DOCK7: variants seen among roughly 807,000 people sequenced by gnomAD.
DOCK7 encodes the protein dedicator of cytokinesis protein 7.
Under a neutral mutation model 271.0 loss-of-function variants are expected in DOCK7, and 138 were observed. That is an observed-to-expected ratio of 0.51 (90% CI 0.44 to 0.59). DOCK7 has a LOEUF of 0.59. Ranked by LOEUF, DOCK7 falls within the 20% of genes least tolerant of loss-of-function variation. DOCK7 has a pLI of 0.00. For missense variants in DOCK7, 2,066 were observed against 2,592.4 expected (o/e 0.80, Z 4.41); for synonymous variants, 823 against 876.1 (o/e 0.94, Z 1.07).
intron 27 of DOCK7, among the ~76,000 whole-genome samples, chr1:62,539,073 G>A (rs376835785): frequency 6.6e-6 from 1 of 152,294 alleles, no homozygotes; most frequent in African/African-American, 2.4e-5. Context: ...ATTTCGTAAA[G>A]TCAAGATAAT....
chr1:62,494,018 G>C (rs1014761044), intron 40 of DOCK7, among the ~76,000 whole-genome samples: 1 of 152,148 alleles, frequency 6.6e-6, no homozygotes, highest in African/African-American at 2.4e-5. Context: ...CGGATTACAA[G>C]GCAGTAAAGA....
chr1:62,680,206 C>T (rs1318210448), intron 1 of DOCK7, among the ~76,000 whole-genome samples: 3 of 152,140 alleles, frequency 2.0e-5, no homozygotes, highest in African/African-American at 7.2e-5. Flanking sequence ...ACCAATGGAA[C>T]AGAACAGAGC....
rs1426889742 is a variant in DOCK7, at chr1:62,597,902, G to A, written c.1683-11278C>T. 15 of 1,566,292 alleles carry A rather than the reference G, an allele frequency of 9.6e-6. No homozygotes were observed. The highest frequency in any genetic ancestry group is 4.5e-5 in the East Asian group (2 of 44,496). ...ATAAACTACAAGTCAAAAATGAAGA[G>A]GTAAAGAATATGTCACTTGAACTCA... is the stretch of plus-strand genomic sequence containing the variant. On this transcript the variant is annotated intron_variant, in intron 14 of 49. Coordinates refer to ENST00000635253, the MANE Select transcript of DOCK7 (RefSeq NM_001367561.1).
intron 48 of DOCK7, among the ~76,000 whole-genome samples, chr1:62,460,056 C>T (rs77064258): frequency 0.038 from 5,138 of 133,590 alleles, 178 homozygotes; most frequent in East Asian, 0.19. Context: ...GCAGAGATTT[C>T]GCCACTACAC....
chr1:62,570,921 C>T (rs1557736933), intron 18 of DOCK7, among the ~76,000 whole-genome samples: 1 of 152,136 alleles, frequency 6.6e-6, no homozygotes, highest in Non-Finnish European at 1.5e-5. Flanking sequence ...CGATTAAAGA[C>T]TTAAATGTAA....
chr1:62,549,232 A>C (rs1424753141), intron 22 of DOCK7, among the ~76,000 whole-genome samples: 1 of 152,238 alleles, frequency 6.6e-6, no homozygotes, highest in African/African-American at 2.4e-5. Context: ...AAAAAATTTA[A>C]CTGTGTGAAA....
rs572875181 is a variant in DOCK7, at chr1:62,475,607, G to A, written c.5961+100C>T. 1,697 of 1,195,098 alleles carry A rather than the reference G, an allele frequency of 1.4e-3. 3 individuals carry two copies. Among genetic ancestry groups the A allele is most frequent in the Non-Finnish European group, 1.8e-3 (1,521 of 828,962 alleles). The allele number at this position is 1,195,098 out of a possible 1,614,324, so 74.0% of individuals were successfully genotyped here. The stretch of plus-strand genomic sequence containing the variant: ...ATGGGTAAAGTTCTAATATGTTATG[G>A]TATAAGGGATGGTACATATCTTCTG... On this transcript the variant is annotated intron_variant, in intron 46 of 49. Transcript: ENST00000635253.
chr1:62,571,524 C>A (rs1237012345), intron 18 of DOCK7, among the ~76,000 whole-genome samples: 1 of 152,064 alleles, frequency 6.6e-6, no homozygotes, highest in Non-Finnish European at 1.5e-5. Context: ...ACCAGAAATA[C>A]CATTCGAACC....
At chr1:62,633,848 A>G (rs749907498) in intron 9 of DOCK7, 2 of 296,990 alleles carry the variant, frequency 6.7e-6, no homozygotes, top group Non-Finnish European at 1.2e-5. Context: ...AAAGACTGAA[A>G]GCTTTTCCTC....
chr1:62,505,635 A>AT lies in DOCK7; in HGVS notation c.4611+46dup, dbSNP rs773566227. 17 of 1,566,826 alleles carry AT rather than the reference A, an allele frequency of 1.1e-5. No homozygotes were observed. In the South Asian group the frequency reaches 1.9e-4, roughly 18 times the overall value. On this transcript the variant is annotated intron_variant, in intron 36 of 49. Transcript: ENST00000635253. ...TGTCAAATGATCTTAGACAATGTTA[A>AT]TAAAAAAAACAAAGTCTGACAACAC...
chr1:62,494,203 A>G (rs1382737759), intron 40 of DOCK7, 72 bp downstream of exon 40: 2 of 1,347,522 alleles, frequency 1.5e-6, no homozygotes, highest in Non-Finnish European at 2.0e-6. Flanking sequence ...AAAAAAATCT[A>G]AACACCAGTG....
chr1:62,556,688 G>A (rs913925724), intron 20 of DOCK7, among the ~76,000 whole-genome samples: 10 of 152,126 alleles, frequency 6.6e-5, no homozygotes, highest in Non-Finnish European at 1.2e-4. Flanking sequence ...TGGGTAAACT[G>A]AACAGCCACT....
chr1:62,683,530 G>A (rs528797616), intron 1 of DOCK7, among the ~76,000 whole-genome samples: 22 of 152,260 alleles, frequency 1.4e-4, no homozygotes, highest in African/African-American at 4.3e-4. Flanking sequence ...AAGGATACCC[G>A]GTTAACAAAA....
rs536290815 is a variant in DOCK7, at chr1:62,550,066, A to G, written c.2766+2666T>C. 2.4e-4 allele frequency among the ~76,000 whole-genome samples: 37 copies of G among 152,254 alleles called. No individual in the cohort carries two copies. In the South Asian group the frequency reaches 7.5e-3, roughly 31 times the overall value. ...TGTACCACATTTTGTTTATCCAGTCATCTGTTGATGGACACTTAGATTGCT... is the reference window on the plus strand; with the variant it reads ...TGTACCACATTTTGTTTATCCAGTCGTCTGTTGATGGACACTTAGATTGCT... On this transcript the variant is annotated intron_variant, in intron 22 of 49. Coordinates refer to ENST00000635253, the MANE Select transcript of DOCK7 (RefSeq NM_001367561.1).
chr1:62,567,405 G>C (rs1646555711), intron 18 of DOCK7, among the ~76,000 whole-genome samples: 2 of 152,150 alleles, frequency 1.3e-5, no homozygotes, highest in Admixed American at 6.5e-5. Context: ...CAGGGACATG[G>C]ATGAAACTGG....
At chr1:62,527,702 G>A (rs1369586257) in intron 31 of DOCK7, among the ~76,000 whole-genome samples, 1 of 146,816 alleles carries the variant, frequency 6.8e-6, no homozygotes, top group Non-Finnish European at 1.5e-5. Flanking sequence ...CACAGGAAGG[G>A]GAACATCACA....
chr1:62,569,023 A>G (rs758743703), intron 18 of DOCK7, among the ~76,000 whole-genome samples: 2 of 152,116 alleles, frequency 1.3e-5, no homozygotes, highest in African/African-American at 4.8e-5. Context: ...GGACATATAC[A>G]TCCTCCCAAG....
intron 30 of DOCK7, 90 bp from the exon 31 acceptor site, chr1:62,528,395 T>A: frequency 1.7e-6 from 2 of 1,205,042 alleles, no homozygotes; most frequent in Non-Finnish European, 2.3e-6. Context: ...AAAGAATAAC[T>A]TGTTGACATG....
intron 1 of DOCK7, among the ~76,000 whole-genome samples, chr1:62,680,813 T>C (rs1473590206): frequency 2.0e-5 from 3 of 151,504 alleles, no homozygotes; most frequent in Non-Finnish European, 1.5e-5. Flanking sequence ...ATCAGAGAAA[T>C]GCAAATCAAA....
Sources: allele counts gnomAD v4.1 joint callset (sites outside exome capture counted in the v4.1 genomes callset), GRCh38; gene constraint gnomAD v4.1.1; transcripts MANE v1.5; gene names NCBI Gene and HGNC (gene_info 2026-07-23, HGNC 2026-07-21).